PIAS2: variants seen among roughly 807,000 people sequenced by gnomAD.
The protein encoded by PIAS2 is E3 SUMO-protein ligase PIAS2.
In PIAS2, 19 loss-of-function variants were observed where a neutral mutation model predicts 69.7. The ratio of observed to expected loss-of-function variants is 0.27; its 90% confidence interval spans 0.19 to 0.40. The LOEUF (loss-of-function observed/expected upper bound fraction) is 0.40. Ranked by LOEUF, PIAS2 falls within the 10% of genes least tolerant of loss-of-function variation. The probability of loss-of-function intolerance (pLI) is 1.00; values close to 1 mark genes in which losing one functional copy is unlikely to be tolerated. For synonymous variants in PIAS2, 261 were observed against 263.2 expected (o/e 0.99, Z 0.08); for missense variants, 624 against 757.0 (o/e 0.82, Z 2.06).
intron 1 of PIAS2, chr18:46,916,937 A>T: frequency 1.0e-6 from 1 of 985,558 alleles, no homozygotes; most frequent in Non-Finnish European, 1.2e-6. Context: ...ACTTGTGAAT[A>T]GCCACAGACA....
Position 46,836,556 on chromosome 18 carries a change from G to A in PIAS2, c.1042-39C>T, listed in dbSNP as rs1385696126. On this transcript the variant is annotated intron_variant, in intron 8 of 13. Transcript: ENST00000585916. ...AACACAAGGAAAACTATTTCAGAAA[G>A]GAGAATGAGCTCAGAGGGAACATGG... The A allele has an allele frequency of 2.0e-6, 3 of 1,534,536 alleles. No homozygotes were observed. The Admixed American group carries it at 5.1e-5, about 26-fold the overall frequency.
intron 3 of PIAS2, 70 bp downstream of exon 3, chr18:46,864,094 T>G: frequency 1.1e-6 from 1 of 880,106 alleles, no homozygotes; most frequent in Non-Finnish European, 1.8e-6. Flanking sequence ...TCTGTGAAAT[T>G]TTGTTATGGC....
intron 9 of PIAS2, among the ~76,000 whole-genome samples, chr18:46,832,067 C>A (rs2043701909): frequency 6.6e-6 from 1 of 152,092 alleles, no homozygotes. Context: ...ACGTTTGTAT[C>A]CAGAATACAT....
At chr18:46,896,569 C>T (rs1174857224) in intron 1 of PIAS2, among the ~76,000 whole-genome samples, 2 of 152,180 alleles carry the variant, frequency 1.3e-5, no homozygotes, top group Non-Finnish European at 2.9e-5. Context: ...TAGAAAAATG[C>T]TGAACACAAA....
upstream of PIAS2, chr18:46,917,634 G>C: frequency 3.6e-6 from 3 of 829,494 alleles, no homozygotes; most frequent in Non-Finnish European, 4.4e-6. Flanking sequence ...GCCCGCGCCT[G>C]CCCCGGCGTG....
chr18:46,852,188 C>T (rs577616290), intron 5 of PIAS2, among the ~76,000 whole-genome samples: 1 of 152,172 alleles, frequency 6.6e-6, no homozygotes, highest in Non-Finnish European at 1.5e-5. Flanking sequence ...ATTTCATTAT[C>T]CCAATCAATA....
chr18:46,876,110 G>A (rs1232808555), intron 2 of PIAS2, among the ~76,000 whole-genome samples: 1 of 152,190 alleles, frequency 6.6e-6, no homozygotes, highest in Non-Finnish European at 1.5e-5. Context: ...GATGTATGGT[G>A]GTATTGTGGC....
chr18:46,915,728 C>T (rs2057761889), intron 1 of PIAS2: 1 of 150,676 alleles, frequency 6.6e-6, no homozygotes, highest in African/African-American at 2.4e-5. Flanking sequence ...CTTCGCTTTA[C>T]ATTAAGCTTT....
At chr18:46,815,746 A>G (rs2144727819) in intron 12 of PIAS2, 1 of 1,002,642 alleles carries the variant, frequency 1.0e-6, no homozygotes, top group Admixed American at 5.7e-5. Context: ...TATTTTTCAG[A>G]AATACAGAGG....
At chr18:46,817,722 A>G in intron 12 of PIAS2, 1 of 940,290 alleles carries the variant, frequency 1.1e-6, no homozygotes, top group Non-Finnish European at 1.3e-6. Context: ...AAACCTGTTT[A>G]ATGTAAATAT....
intron 12 of PIAS2, chr18:46,817,500 A>G (rs1035659659): frequency 9.5e-6 from 9 of 943,226 alleles, no homozygotes; most frequent in African/African-American, 7.1e-5. Context: ...ATGTACTGTA[A>G]TTCTCTTTGA....
chr18:46,816,609 G>A (rs2041572804), intron 12 of PIAS2: 1 of 246,946 alleles, frequency 4.0e-6, no homozygotes, highest in African/African-American at 2.3e-5. Flanking sequence ...ACAGGTGTGT[G>A]TCACTATGCC....
intron 2 of PIAS2, among the ~76,000 whole-genome samples, chr18:46,869,816 T>C (rs1600017119): frequency 6.6e-6 from 1 of 152,198 alleles, no homozygotes; most frequent in Non-Finnish European, 1.5e-5. Flanking sequence ...CAACTTCTAA[T>C]AGAGTATGTC....
At chr18:46,877,455 T>G (rs1391916085) in intron 2 of PIAS2, among the ~76,000 whole-genome samples, 2 of 152,136 alleles carry the variant, frequency 1.3e-5, no homozygotes, top group East Asian at 3.9e-4. Context: ...CTTCCTTATT[T>G]GGAAAGCGTC....
chr18:46,900,002 G>T (rs1190973468), intron 1 of PIAS2, among the ~76,000 whole-genome samples: 1 of 152,106 alleles, frequency 6.6e-6, no homozygotes, highest in South Asian at 2.1e-4. Flanking sequence ...AGGCCAAGTG[G>T]GCAGATCACT....
chr18:46,912,460 A>G (rs1230687069), intron 1 of PIAS2, among the ~76,000 whole-genome samples: 1 of 152,236 alleles, frequency 6.6e-6, no homozygotes, highest in African/African-American at 2.4e-5. Flanking sequence ...TTTTTCCTGA[A>G]TATTTTTGAT....
chr18:46,903,601 C>T (rs947783542), intron 1 of PIAS2: 2 of 152,234 alleles, frequency 1.3e-5, no homozygotes, highest in Admixed American at 6.5e-5. Flanking sequence ...TCACTCCATA[C>T]ATTGCTGGTA....
At chr18:46,894,341 G>A (rs2054522939) in intron 1 of PIAS2, among the ~76,000 whole-genome samples, 1 of 152,084 alleles carries the variant, frequency 6.6e-6, no homozygotes, top group Non-Finnish European at 1.5e-5. Flanking sequence ...GAGTAGAGAG[G>A]GTCACCAGAG....
chr18:46,908,614 A>G (rs2056903091), intron 1 of PIAS2, among the ~76,000 whole-genome samples: 1 of 152,220 alleles, frequency 6.6e-6, no homozygotes, highest in Admixed American at 6.5e-5. Context: ...TATCTTCGAG[A>G]ACTCTGTTGA....
Sources: allele counts gnomAD v4.1 joint callset (sites outside exome capture counted in the v4.1 genomes callset), GRCh38; gene constraint gnomAD v4.1.1; transcripts MANE v1.5; gene names NCBI Gene and HGNC (gene_info 2026-07-23, HGNC 2026-07-21).